The following CCDC181 variants were observed in gnomAD, a reference collection of about 807,000 sequenced individuals.
CCDC181 encodes coiled-coil domain containing 181.
A neutral mutation model predicts 58.7 loss-of-function variants in CCDC181; 35 were observed. The observed-to-expected ratio is 0.60, with a 90% confidence interval of 0.46 to 0.79. The LOEUF (loss-of-function observed/expected upper bound fraction) is 0.79. Ranked by LOEUF, CCDC181 falls within the 30% of genes least tolerant of loss-of-function variation. The pLI is 0.00. For synonymous variants in CCDC181, 183 were observed against 197.5 expected, an observed-to-expected ratio of 0.93 and a Z score of 0.62; for missense variants, 517 against 583.9, an observed-to-expected ratio of 0.89 and a Z score of 1.18.
chr1:169,411,196 T>G (rs1655944341), intron 4 of CCDC181, among the ~76,000 whole-genome samples: 1 of 152,032 alleles, frequency 6.6e-6, no homozygotes, highest in Non-Finnish European at 1.5e-5. Flanking sequence ...AAAAAAATGA[T>G]AAAGGGGATA....
intron 2 of CCDC181, among the ~76,000 whole-genome samples, chr1:169,433,795 A>T (rs1656981792): frequency 6.6e-6 from 1 of 152,084 alleles, no homozygotes; most frequent in African/African-American, 2.4e-5. Context: ...TCAAAGATGT[A>T]AATGTAAGAA....
chr1:169,407,404 C>A (rs1484514337), intron 4 of CCDC181, among the ~76,000 whole-genome samples: 1 of 151,964 alleles, frequency 6.6e-6, no homozygotes, highest in Non-Finnish European at 1.5e-5. Flanking sequence ...AAAAAAAATT[C>A]TTCGGTGATT....
At chr1:169,423,762 C>T (rs1038081974) in intron 2 of CCDC181, among the ~76,000 whole-genome samples, 1 of 151,990 alleles carries the variant, frequency 6.6e-6, no homozygotes, top group African/African-American at 2.4e-5. Flanking sequence ...GAAATTGGTT[C>T]AACCTTACCA....
At chr1:169,431,640 G>T (rs1489606333), upstream of CCDC181, among the ~76,000 whole-genome samples, 1 of 152,102 alleles carries the variant, frequency 6.6e-6, no homozygotes, top group African/African-American at 2.4e-5. Context: ...AACTTATTTT[G>T]GTGAATTTCA....
At chr1:169,437,194 A>G (rs1657079869) in intron 2 of CCDC181, among the ~76,000 whole-genome samples, 1 of 152,176 alleles carries the variant, frequency 6.6e-6, no homozygotes, top group African/African-American at 2.4e-5. Flanking sequence ...TGGGGGCCAC[A>G]AGATCAGATG....
At chr1:169,424,420 A>G (rs1656624893) in intron 2 of CCDC181, among the ~76,000 whole-genome samples, 1 of 151,814 alleles carries the variant, frequency 6.6e-6, no homozygotes, top group Non-Finnish European at 1.5e-5. Context: ...GATTTGCTTT[A>G]TTTTTCATTT....
intron 2 of CCDC181, among the ~76,000 whole-genome samples, chr1:169,439,137 C>T (rs1299119381): frequency 2.0e-5 from 3 of 152,020 alleles, no homozygotes; most frequent in African/African-American, 7.2e-5. Context: ...CTGAGACAGA[C>T]ACCCCATGGT....
intron 3 of CCDC181, 52 bp from the exon 4 acceptor site, chr1:169,419,211 A>G (rs78251929): frequency 0.015 from 22,361 of 1,466,252 alleles, 210 homozygotes; most frequent in Non-Finnish European, 0.017. Context: ...AAATTGTATG[A>G]GTTATCAGAG....
chr1:169,420,432 A>G (rs1352300568), intron 3 of CCDC181, among the ~76,000 whole-genome samples: 1 of 143,384 alleles, frequency 7.0e-6, no homozygotes, highest in Non-Finnish European at 1.5e-5. Context: ...CCAATTCCTG[A>G]TTTAAATGCC....
intron 3 of CCDC181, 112 bp from the exon 4 acceptor site, chr1:169,419,271 C>A (rs1656357860): frequency 1.5e-6 from 2 of 1,297,486 alleles, no homozygotes; most frequent in Non-Finnish European, 1.0e-6. Flanking sequence ...GACCCTAAAA[C>A]TTTCCATCAG....
At chr1:169,412,717 C>A (rs1266872417) in intron 4 of CCDC181, among the ~76,000 whole-genome samples, 1 of 152,038 alleles carries the variant, frequency 6.6e-6, no homozygotes, top group African/African-American at 2.4e-5. Flanking sequence ...AGAAATAATG[C>A]CACCCATCTA....
upstream of CCDC181, among the ~76,000 whole-genome samples, chr1:169,430,058 T>C (rs769005873): frequency 2.6e-5 from 4 of 152,094 alleles, no homozygotes; most frequent in African/African-American, 4.8e-5. Context: ...TTGTTGAATA[T>C]GGTGTCCTTT....
At chr1:169,419,268 A>C in intron 3 of CCDC181, 109 bp from the exon 4 acceptor site, 1 of 1,311,874 alleles carries the variant, frequency 7.6e-7, no homozygotes, top group Non-Finnish European at 1.0e-6. Context: ...CCTGACCCTA[A>C]AACTTTCCAT....
chr1:169,457,658 A>C (rs543117177), intron 2 of CCDC181, among the ~76,000 whole-genome samples: 1 of 152,240 alleles, frequency 6.6e-6, no homozygotes, highest in Non-Finnish European at 1.5e-5. Context: ...CTTCAGTTTT[A>C]CTTTCCACTT....
At chr1:169,451,848 C>T (rs1657550990) in intron 2 of CCDC181, among the ~76,000 whole-genome samples, 1 of 151,968 alleles carries the variant, frequency 6.6e-6, no homozygotes, top group South Asian at 2.1e-4. Context: ...TGGCTTTTAG[C>T]TTGTGCAAAT....
intron 4 of CCDC181, among the ~76,000 whole-genome samples, chr1:169,411,306 TG>T (rs1021814485): frequency 2.5e-4 from 38 of 152,226 alleles, no homozygotes; most frequent in African/African-American, 8.7e-4. Flanking sequence ...GATAAATTCC[TG>T]GACACATACA....
At chr1:169,395,952 G>A (rs1416179379) in intron 5 of CCDC181, 1 of 151,208 alleles carries the variant, frequency 6.6e-6, no homozygotes, top group Non-Finnish European at 1.5e-5. Context: ...ATCATAATCT[G>A]ATGATATGTG....
intron 4 of CCDC181, among the ~76,000 whole-genome samples, chr1:169,413,950 A>G (rs1300678128): frequency 1.3e-5 from 2 of 152,274 alleles, no homozygotes; most frequent in Admixed American, 1.3e-4. Flanking sequence ...GCAAATCACC[A>G]TGGCACGTGT....
At chr1:169,431,757 C>A (rs1656925610), upstream of CCDC181, among the ~76,000 whole-genome samples, 1 of 152,142 alleles carries the variant, frequency 6.6e-6, no homozygotes, top group African/African-American at 2.4e-5. Context: ...AGTCAATGAG[C>A]AGTAAGGACC....
Sources: allele counts gnomAD v4.1 joint callset (sites outside exome capture counted in the v4.1 genomes callset), GRCh38; gene constraint gnomAD v4.1.1; transcripts MANE v1.5; gene names NCBI Gene and HGNC (gene_info 2026-07-23, HGNC 2026-07-21).